SLC30A6: variants seen among roughly 807,000 people sequenced by gnomAD.
SLC30A6 encodes solute carrier family 30 member 6.
In SLC30A6, 55 loss-of-function variants were observed where a neutral mutation model predicts 63.0. That is an observed-to-expected ratio of 0.87 (90% CI 0.70 to 1.09). The LOEUF is 1.09. Ranked by LOEUF, SLC30A6 falls within the 50% of genes least tolerant of loss-of-function variation. The pLI is 0.00. For missense variants in SLC30A6, 587 were observed against 549.2 expected, an observed-to-expected ratio of 1.07 and a Z score of -0.69; for synonymous variants, 224 against 186.1, an observed-to-expected ratio of 1.20 and a Z score of -1.66.
intron 5 of SLC30A6, among the ~76,000 whole-genome samples, chr2:32,188,860 G>C (rs1225355394): frequency 6.6e-6 from 1 of 152,168 alleles, no homozygotes; most frequent in Non-Finnish European, 1.5e-5. Context: ...GACCCTACCA[G>C]AAGTAACTGG....
chr2:32,210,903 A>G (rs1685203339), intron 13 of SLC30A6, among the ~76,000 whole-genome samples: 1 of 152,100 alleles, frequency 6.6e-6, no homozygotes, highest in Non-Finnish European at 1.5e-5. Context: ...GAAGGTGCCA[A>G]ATGACCAGAG....
chr2:32,209,625 A>C lies in SLC30A6; in HGVS notation c.885+64A>C, dbSNP rs560735397. On this transcript the variant is annotated intron_variant, in intron 13 of 13. Coordinates refer to ENST00000282587, the MANE Select transcript of SLC30A6 (RefSeq NM_017964.5). Reference sequence around the variant, plus strand: ...ATATAGTCTTCCATTTTTAAAACTGAAAAAAAATATTTCCTTAAAATTTTT... The same window carrying C: ...ATATAGTCTTCCATTTTTAAAACTGCAAAAAAATATTTCCTTAAAATTTTT... The C allele has an allele frequency of 3.8e-5, 52 of 1,360,154 alleles. 6 individuals are homozygous for C. The African/African-American group carries it at 4.2e-4, about 11-fold the overall frequency. The allele number at this position is 1,360,154 out of a possible 1,614,324, so 84.3% of individuals were successfully genotyped here.
chr2:32,166,695 A>G (rs1024840705), intron 1 of SLC30A6, among the ~76,000 whole-genome samples: 15 of 152,252 alleles, frequency 9.9e-5, no homozygotes, highest in African/African-American at 2.7e-4. Flanking sequence ...TTGATAGCCT[A>G]CGTATGAGAA....
At chr2:32,215,479 G>C (rs1407872237) in intron 13 of SLC30A6, among the ~76,000 whole-genome samples, 1 of 148,010 alleles carries the variant, frequency 6.8e-6, no homozygotes, top group African/African-American at 2.5e-5. Context: ...ACAGGCATGA[G>C]CTACCATGCC....
At chr2:32,174,577 C>T (rs1332798471) in intron 3 of SLC30A6, among the ~76,000 whole-genome samples, 3 of 86,484 alleles carry the variant, frequency 3.5e-5, no homozygotes, top group South Asian at 4.1e-4. Context: ...TTTTTTGAGA[C>T]GGAGTCTCAC....
intron 4 of SLC30A6, among the ~76,000 whole-genome samples, chr2:32,181,491 G>C (rs1034069333): frequency 1.4e-4 from 21 of 152,058 alleles, no homozygotes; most frequent in Non-Finnish European, 2.1e-4. Context: ...TTAATATTTA[G>C]ACACTGAATT....
At chr2:32,203,447 C>G in intron 10 of SLC30A6, 1 of 1,538,268 alleles carries the variant, frequency 6.5e-7, no homozygotes, top group Admixed American at 1.7e-5. Context: ...ACCATCAGCT[C>G]AGATACTGAC....
chr2:32,205,733 A>G (rs1684711125), intron 11 of SLC30A6, among the ~76,000 whole-genome samples: 2 of 131,758 alleles, frequency 1.5e-5, no homozygotes, highest in Non-Finnish European at 3.1e-5. Context: ...GTGGCGCTAC[A>G]CTCAGGTCAC....
chr2:32,205,662 C>CTTTTTTTTTTTTTT (rs745414068), intron 11 of SLC30A6, among the ~76,000 whole-genome samples: 1 of 87,198 alleles, frequency 1.1e-5, no homozygotes, highest in Non-Finnish European at 2.1e-5. Context: ...AATGTTACTT[C>CTTTTTTTTTTTTTT]TTTTTTTTTT....
At position 32,221,691 on chromosome 2, in the gene SLC30A6, G is replaced by T. The variant is rs1686152974; in HGVS notation, c.*978G>T. 1 of 152,040 alleles carries T rather than the reference G, an allele frequency of 6.6e-6. No homozygotes were observed. The highest frequency in any genetic ancestry group is 2.4e-5 in the African/African-American group (1 of 41,408). 9.4% of individuals were successfully genotyped at this position (152,040 alleles called of 1,614,324 possible). On this transcript the variant is annotated 3_prime_UTR_variant, in exon 14 of 14. Transcript: ENST00000282587. The stretch of plus-strand genomic sequence containing the variant: ...CACAATTTGAATTTTTAATTATCAA[G>T]ATTTTTGTTAAAGTTTCTCTCCTTT...
intron 1 of SLC30A6, among the ~76,000 whole-genome samples, chr2:32,170,196 ACTTT>A (rs1410205157): frequency 6.6e-6 from 1 of 152,142 alleles, no homozygotes; most frequent in African/African-American, 2.4e-5. Flanking sequence ...ATACATCTAG[ACTTT>A]CTTCAGTCAA....
intron 10 of SLC30A6, chr2:32,201,705 G>GT: frequency 7.1e-7 from 1 of 1,413,334 alleles, no homozygotes; most frequent in Non-Finnish European, 9.8e-7. Context: ...GGATATCACA[G>GT]TTTCGGCTAA....
At chr2:32,183,681 C>G (rs1160298344) in intron 4 of SLC30A6, among the ~76,000 whole-genome samples, 1 of 114,182 alleles carries the variant, frequency 8.8e-6, no homozygotes, top group African/African-American at 3.6e-5. Context: ...GAGCGAGACT[C>G]TGTCTCAAAA....
At chr2:32,178,766 T>C (rs1682021820) in intron 4 of SLC30A6, among the ~76,000 whole-genome samples, 1 of 152,266 alleles carries the variant, frequency 6.6e-6, no homozygotes, top group Non-Finnish European at 1.5e-5. Context: ...TTGATCTGTA[T>C]GTCTGTCCTT....
intron 13 of SLC30A6, among the ~76,000 whole-genome samples, chr2:32,216,183 A>T (rs958841704): frequency 6.6e-6 from 1 of 152,172 alleles, no homozygotes; most frequent in African/African-American, 2.4e-5. Context: ...CCAACAGTGT[A>T]TAAACACTCC....
intron 1 of SLC30A6, among the ~76,000 whole-genome samples, chr2:32,169,485 G>T (rs1278987666): frequency 1.3e-5 from 2 of 151,144 alleles, no homozygotes; most frequent in African/African-American, 4.9e-5. Context: ...CCAAGAAAAA[G>T]ATATATTTAT....
At chr2:32,171,725 T>C (rs184920933) in intron 2 of SLC30A6, among the ~76,000 whole-genome samples, 1 of 151,812 alleles carries the variant, frequency 6.6e-6, no homozygotes, top group Non-Finnish European at 1.5e-5. Flanking sequence ...GAAGTTACAC[T>C]CTTGTTGCCT....
chr2:32,219,789 A>G (rs1024939674), intron 13 of SLC30A6, among the ~76,000 whole-genome samples: 36 of 152,062 alleles, frequency 2.4e-4, no homozygotes, highest in Non-Finnish European at 4.3e-4. Context: ...TATGCCATAC[A>G]TTTTCATTGC....
chr2:32,218,904 A>T (rs1160269053), intron 13 of SLC30A6, among the ~76,000 whole-genome samples: 2 of 151,924 alleles, frequency 1.3e-5, no homozygotes, highest in Admixed American at 6.6e-5. Flanking sequence ...TTCCTACCTG[A>T]TTTCCAGTCA....
Sources: gnomAD v4.1 joint callset for allele counts (sites outside exome capture counted in the v4.1 genomes callset) on GRCh38, gnomAD v4.1.1 for gene constraint, MANE v1.5 for transcripts, NCBI Gene and HGNC (gene_info 2026-07-23, HGNC 2026-07-21) for gene names.